CADM2: variants seen among roughly 807,000 people sequenced by gnomAD.
CADM2 encodes cell adhesion molecule 2.
In CADM2, 12 loss-of-function variants were observed where a neutral mutation model predicts 49.8. The observed-to-expected ratio is 0.24, with a 90% CI of 0.15 to 0.39. The LOEUF is 0.39. Among genes scored for constraint, CADM2 ranks in the 10% least tolerant of loss-of-function variants. The pLI is 1.00. For synonymous variants in CADM2, 214 were observed against 175.4 expected, an observed-to-expected ratio of 1.22 and a Z score of -1.74; for missense variants, 378 against 492.3, an observed-to-expected ratio of 0.77 and a Z score of 2.20.
chr3:85,750,859 A>G (rs183220592), intron 2 of CADM2, among the ~76,000 whole-genome samples: 1 of 152,208 alleles, frequency 6.6e-6, no homozygotes, highest in Non-Finnish European at 1.5e-5. Context: ...CATTTACCGT[A>G]TGTTATAATT....
intron 1 of CADM2, among the ~76,000 whole-genome samples, chr3:85,341,055 G>T (rs2045227056): frequency 6.6e-6 from 1 of 151,404 alleles, no homozygotes; most frequent in Non-Finnish European, 1.5e-5. Context: ...CCTGAACTCT[G>T]AATTAATATT....
At chr3:85,465,894 G>C (rs1300560917) in intron 1 of CADM2, among the ~76,000 whole-genome samples, 1 of 152,174 alleles carries the variant, frequency 6.6e-6, no homozygotes, top group East Asian at 1.9e-4. Context: ...ATTACCGAAA[G>C]TATGGAAAAT....
chr3:85,694,546 A>G (rs530135375), intron 1 of CADM2, among the ~76,000 whole-genome samples: 3 of 152,368 alleles, frequency 2.0e-5, no homozygotes, highest in Non-Finnish European at 4.4e-5. Flanking sequence ...TGGCAGCCCC[A>G]GATGGCTGAT....
At chr3:85,364,695 T>C (rs2032615315) in intron 1 of CADM2, among the ~76,000 whole-genome samples, 3 of 152,186 alleles carry the variant, frequency 2.0e-5, no homozygotes. Context: ...TGTAATACAA[T>C]GTTACAGTGG....
intron 8 of CADM2, among the ~76,000 whole-genome samples, chr3:86,045,143 C>T (rs962014289): frequency 1.3e-5 from 2 of 151,734 alleles, no homozygotes; most frequent in African/African-American, 4.8e-5. Flanking sequence ...ACCAACATGG[C>T]ACATATATAC....
chr3:85,568,901 A>T (rs974064013), intron 1 of CADM2, among the ~76,000 whole-genome samples: 1 of 151,948 alleles, frequency 6.6e-6, no homozygotes, highest in Non-Finnish European at 1.5e-5. Context: ...TTTATATGAA[A>T]TTTTAAAGTT....
chr3:85,853,597 G>A (rs1324950706), intron 3 of CADM2, among the ~76,000 whole-genome samples: 4 of 149,638 alleles, frequency 2.7e-5, no homozygotes, highest in African/African-American at 9.8e-5. Context: ...GTAATACTTC[G>A]AAAAAGAGAA....
intron 1 of CADM2, among the ~76,000 whole-genome samples, chr3:85,339,342 A>G (rs373290357): frequency 6.6e-6 from 1 of 151,512 alleles, no homozygotes; most frequent in African/African-American, 2.4e-5. Flanking sequence ...AAGTACTGAA[A>G]GAATATAACT....
At chr3:85,637,836 A>G (rs62261669) in intron 1 of CADM2, among the ~76,000 whole-genome samples, 9,706 of 152,122 alleles carry the variant, frequency 0.064, 425 homozygotes, top group Non-Finnish European at 0.099. Flanking sequence ...AAAAAATAAT[A>G]TATGAGGGAA....
intron 1 of CADM2, among the ~76,000 whole-genome samples, chr3:85,469,809 T>G (rs1044949494): frequency 2.0e-5 from 3 of 152,192 alleles, no homozygotes; most frequent in African/African-American, 7.2e-5. Flanking sequence ...GTCAGTTTAT[T>G]CACAAAAGTG....
intron 6 of CADM2, among the ~76,000 whole-genome samples, chr3:85,915,459 A>G (rs1489386419): frequency 6.6e-6 from 1 of 152,138 alleles, no homozygotes; most frequent in East Asian, 1.9e-4. Context: ...AAGCGTGCAG[A>G]ACATTCTCCG....
At chr3:85,984,175 T>A (rs1727808704) in intron 8 of CADM2, among the ~76,000 whole-genome samples, 2 of 150,462 alleles carry the variant, frequency 1.3e-5, no homozygotes, top group South Asian at 4.2e-4. Context: ...TATGTGCACA[T>A]ATGTACACAT....
chr3:85,559,752 G>A (rs971310541), intron 1 of CADM2, among the ~76,000 whole-genome samples: 8 of 151,516 alleles, frequency 5.3e-5, no homozygotes, highest in African/African-American at 1.9e-4. Context: ...TCAATAACAA[G>A]TCAAACTTCA....
chr3:85,995,015 A>T (rs201009225), intron 8 of CADM2, among the ~76,000 whole-genome samples: 2 of 41,734 alleles, frequency 4.8e-5, no homozygotes, highest in East Asian at 6.5e-4. Flanking sequence ...TCGATTTGTT[A>T]AAAAAAAAAA....
intron 1 of CADM2, among the ~76,000 whole-genome samples, chr3:84,993,347 C>T (rs2032998237): frequency 6.6e-6 from 1 of 152,092 alleles, no homozygotes; most frequent in Non-Finnish European, 1.5e-5. Context: ...GTGAAACTAC[C>T]TTAATGACTA....
chr3:85,889,888 T>C (rs1005943506), intron 5 of CADM2, among the ~76,000 whole-genome samples: 2 of 152,124 alleles, frequency 1.3e-5, no homozygotes, highest in Non-Finnish European at 2.9e-5. Context: ...GGCTACAGTT[T>C]TGTGCAGAAG....
intron 1 of CADM2, among the ~76,000 whole-genome samples, chr3:85,344,141 C>T (rs1051076917): frequency 4.0e-5 from 6 of 151,592 alleles, no homozygotes; most frequent in Admixed American, 2.6e-4. Flanking sequence ...TTTGGGGGGC[C>T]GAGGCGGGCA....
At chr3:85,789,346 C>G (rs1032490793) in intron 2 of CADM2, among the ~76,000 whole-genome samples, 6 of 152,104 alleles carry the variant, frequency 3.9e-5, no homozygotes, top group Admixed American at 1.3e-4. Context: ...CTAGTCAGTT[C>G]TAGATCTTAC....
chr3:85,248,698 G>A (rs971343481), intron 1 of CADM2, among the ~76,000 whole-genome samples: 2 of 152,174 alleles, frequency 1.3e-5, no homozygotes, highest in African/African-American at 4.8e-5. Context: ...ATAAGTAAGG[G>A]TGATAGATAG....
Sources: gnomAD v4.1 joint callset for allele counts (sites outside exome capture counted in the v4.1 genomes callset) on GRCh38, gnomAD v4.1.1 for gene constraint, MANE v1.5 for transcripts, NCBI Gene and HGNC (gene_info 2026-07-23, HGNC 2026-07-21) for gene names.